The following PUS7 variants were observed in gnomAD, a reference collection of about 807,000 sequenced individuals.
The protein encoded by PUS7 is pseudouridylate synthase 7 homolog.
Under a neutral mutation model 79.8 loss-of-function variants are expected in PUS7, and 48 were observed. The ratio of observed to expected loss-of-function variants is 0.60; its 90% CI spans 0.48 to 0.76. PUS7 has a LOEUF of 0.76. Ranked by LOEUF, PUS7 falls within the 30% of genes least tolerant of loss-of-function variation. The pLI is 0.00. For synonymous variants in PUS7, 286 were observed against 272.2 expected, an observed-to-expected ratio of 1.05 and a Z score of -0.50; for missense variants, 729 against 797.6, an observed-to-expected ratio of 0.91 and a Z score of 1.04.
intron 14 of PUS7, among the ~76,000 whole-genome samples, chr7:105,460,799 A>G (rs1823392166): frequency 7.7e-6 from 1 of 129,646 alleles, no homozygotes; most frequent in African/African-American, 2.9e-5. Flanking sequence ...GCTTGCAGTG[A>G]GCCGAGATCG....
chr7:105,498,740 C>T (rs1203351089), intron 5 of PUS7, among the ~76,000 whole-genome samples: 3 of 152,110 alleles, frequency 2.0e-5, no homozygotes, highest in Non-Finnish European at 4.4e-5. Flanking sequence ...TTGTTATTTG[C>T]CTCCCTGAAT....
At chr7:105,495,823 T>A (rs979939851) in intron 5 of PUS7, among the ~76,000 whole-genome samples, 1 of 152,182 alleles carries the variant, frequency 6.6e-6, no homozygotes, top group Non-Finnish European at 1.5e-5. Context: ...TGTTAACTTC[T>A]GAGCAGCTAG....
chr7:105,506,745 C>T (rs1825480153), intron 2 of PUS7, among the ~76,000 whole-genome samples: 1 of 152,016 alleles, frequency 6.6e-6, no homozygotes, highest in Non-Finnish European at 1.5e-5. Flanking sequence ...TTAATGAATG[C>T]TGAGCCATAC....
At chr7:105,517,998 A>C (rs987640178) in intron 1 of PUS7, among the ~76,000 whole-genome samples, 2 of 152,084 alleles carry the variant, frequency 1.3e-5, no homozygotes, top group Non-Finnish European at 2.9e-5. Context: ...AAATCCAAAA[A>C]TTAGCCATGC....
intron 1 of PUS7, among the ~76,000 whole-genome samples, chr7:105,514,158 G>A (rs1825804209): frequency 7.2e-6 from 1 of 138,598 alleles, no homozygotes; most frequent in African/African-American, 2.7e-5. Flanking sequence ...GTGAACCCAG[G>A]AGGCGGAGCT....
chr7:105,477,477 C>T (rs1390227245), intron 9 of PUS7, among the ~76,000 whole-genome samples: 5 of 151,576 alleles, frequency 3.3e-5, no homozygotes, highest in East Asian at 3.9e-4. Context: ...CTTGAACTCC[C>T]GACCTCAAGC....
At chr7:105,469,527 C>G (rs1202211826) in intron 11 of PUS7, among the ~76,000 whole-genome samples, 1 of 152,102 alleles carries the variant, frequency 6.6e-6, no homozygotes, top group Non-Finnish European at 1.5e-5. Flanking sequence ...TGGTGCCATC[C>G]CGGCTGAATG....
intron 1 of PUS7, among the ~76,000 whole-genome samples, chr7:105,517,500 T>C (rs1397876235): frequency 6.6e-6 from 1 of 152,166 alleles, no homozygotes; most frequent in Admixed American, 6.6e-5. Context: ...TAAAATAATG[T>C]TTTTTGTTTC....
At chr7:105,472,095 A>T in intron 10 of PUS7, 37 bp downstream of exon 10, 1 of 1,292,056 alleles carries the variant, frequency 7.7e-7, no homozygotes, top group Non-Finnish European at 1.1e-6. Context: ...CTAGCCATAC[A>T]TTCTATTTAT....
intron 14 of PUS7, 76 bp from the exon 15 acceptor site, chr7:105,459,335 T>C: frequency 1.1e-6 from 1 of 884,168 alleles, no homozygotes; most frequent in Admixed American, 2.4e-5. Flanking sequence ...TCATCATTTA[T>C]TTAGCAAGAA....
At chr7:105,465,857 G>A (rs890489786) in intron 12 of PUS7, among the ~76,000 whole-genome samples, 7 of 151,558 alleles carry the variant, frequency 4.6e-5, no homozygotes, top group African/African-American at 1.7e-4. Flanking sequence ...AGAAAAAAAG[G>A]AAAAAGAAAT....
chr7:105,472,993 C>T (rs554667254), intron 9 of PUS7, among the ~76,000 whole-genome samples: 2 of 149,988 alleles, frequency 1.3e-5, no homozygotes, highest in East Asian at 3.9e-4. Flanking sequence ...GAACTCCTGA[C>T]CTTGTGACCC....
At chr7:105,475,335 G>A (rs545866645) in intron 9 of PUS7, among the ~76,000 whole-genome samples, 28 of 152,152 alleles carry the variant, frequency 1.8e-4, no homozygotes, top group Middle Eastern at 3.4e-3. Context: ...ACAGGCGCGC[G>A]CCACCACGCC....
intron 1 of PUS7, among the ~76,000 whole-genome samples, chr7:105,514,400 C>G (rs1016485701): frequency 6.6e-6 from 1 of 151,888 alleles, no homozygotes; most frequent in Non-Finnish European, 1.5e-5. Flanking sequence ...GTCAAGAGAC[C>G]GAGACCATCC....
At chr7:105,473,007 C>A (rs1823936368) in intron 9 of PUS7, among the ~76,000 whole-genome samples, 2 of 151,498 alleles carry the variant, frequency 1.3e-5, no homozygotes, top group Admixed American at 1.3e-4. Context: ...GTGACCCACC[C>A]GCCTTGGTCT....
At chr7:105,493,512 G>C (rs1306914273) in intron 6 of PUS7, among the ~76,000 whole-genome samples, 1 of 152,332 alleles carries the variant, frequency 6.6e-6, no homozygotes, top group Admixed American at 6.5e-5. Context: ...ATTGGGTACT[G>C]TGTATTATGG....
At chr7:105,464,414 G>A (rs1321819155) in intron 13 of PUS7, among the ~76,000 whole-genome samples, 1 of 152,170 alleles carries the variant, frequency 6.6e-6, no homozygotes, top group African/African-American at 2.4e-5. Context: ...GAGAAGACTG[G>A]CATGTGAGTT....
At chr7:105,467,127 C>A (rs1823681877) in intron 12 of PUS7, among the ~76,000 whole-genome samples, 1 of 138,588 alleles carries the variant, frequency 7.2e-6, no homozygotes, top group Admixed American at 7.9e-5. Flanking sequence ...AAATACTTCA[C>A]AGTAACACTG....
intron 4 of PUS7, among the ~76,000 whole-genome samples, chr7:105,503,380 T>G (rs1287352567): frequency 6.6e-6 from 1 of 152,204 alleles, no homozygotes; most frequent in Non-Finnish European, 1.5e-5. Flanking sequence ...TATTGAATTA[T>G]ATTCTGAATT....
Sources: gnomAD v4.1 joint callset for allele counts (sites outside exome capture counted in the v4.1 genomes callset) on GRCh38, gnomAD v4.1.1 for gene constraint, MANE v1.5 for transcripts, NCBI Gene and HGNC (gene_info 2026-07-23, HGNC 2026-07-21) for gene names.